Variants in CCAR1 observed in about 807,000 individuals in gnomAD.
The protein encoded by CCAR1 is cell division cycle and apoptosis regulator 1, also known as cell division cycle and apoptosis regulator protein 1.
In CCAR1, 78 loss-of-function variants were observed where a neutral mutation model predicts 163.8. The ratio of observed to expected loss-of-function variants is 0.48; its 90% CI spans 0.40 to 0.57. CCAR1 has a LOEUF of 0.57. CCAR1 is among the 20% of genes least tolerant of loss of function. CCAR1 has a pLI of 0.00. For missense variants in CCAR1, 1,019 were observed against 1,365.2 expected (o/e 0.75, Z 4.00); for synonymous variants, 443 against 460.7 (o/e 0.96, Z 0.49).
At chr10:68,779,497 G>T (rs987624875) in intron 19 of CCAR1, among the ~76,000 whole-genome samples, 5 of 152,028 alleles carry the variant, frequency 3.3e-5, no homozygotes, top group African/African-American at 1.2e-4. Context: ...GACCTCAGGT[G>T]ATCCGCCCAC....
At chr10:68,760,840 G>T (rs1399862977) in intron 15 of CCAR1, 167 bp from the exon 16 acceptor site, 2 of 439,176 alleles carry the variant, frequency 4.6e-6, no homozygotes, top group Non-Finnish European at 8.1e-6. Context: ...CTCCAGCCTG[G>T]GCGACAGAGT....
intron 19 of CCAR1, among the ~76,000 whole-genome samples, chr10:68,781,785 A>T (rs2056739335): frequency 6.6e-6 from 1 of 151,538 alleles, no homozygotes; most frequent in Non-Finnish European, 1.5e-5. Flanking sequence ...CAAGAGGTTG[A>T]GGTTGCAGTG....
At chr10:68,729,758 T>G (rs1243323997) in intron 2 of CCAR1, among the ~76,000 whole-genome samples, 2 of 152,082 alleles carry the variant, frequency 1.3e-5, no homozygotes, top group Non-Finnish European at 2.9e-5. Context: ...ATTTTGAATT[T>G]TAAAGTCTTT....
At position 68,786,705 on chromosome 10, in the gene CCAR1, G is replaced by C; in HGVS notation, c.2880+13G>C. On this transcript the variant is annotated intron_variant, in intron 21 of 24. Transcript: ENST00000265872. ...TTCTCGGGCTCAGGTAATCTATCTT[G>C]TGAATATTTAAAAGGAAAACATTTT... 4.4e-6 allele frequency: 7 copies of C among 1,575,130 alleles called. No individual in the cohort carries two copies. Among genetic ancestry groups the C allele is most frequent in the Non-Finnish European group, 6.0e-6 (7 of 1,165,450 alleles).
At chr10:68,759,105 ACAACAAC>A (rs57244603) in intron 15 of CCAR1, among the ~76,000 whole-genome samples, 11,623 of 152,156 alleles carry the variant, frequency 0.076, 1,225 homozygotes, top group African/African-American at 0.24. Context: ...AATAGAAAAA[ACAACAAC>A]CAACAACCAT....
At chr10:68,786,421 A>G (rs2056796034) in intron 20 of CCAR1, 125 bp from the exon 21 acceptor site, 3 of 739,064 alleles carry the variant, frequency 4.1e-6, no homozygotes, top group Non-Finnish European at 6.5e-6. Flanking sequence ...AACTCATTTT[A>G]GCTAGGATGA....
rs117778309 is a variant in CCAR1, at chr10:68,777,470, G to A, written c.2650+4371G>A. ...GGCCGAGGCGGGTGGATAATTTGAGGCCAGGAGTCCCAGACTAGGCTGGCC... is the reference window on the plus strand; with the variant it reads ...GGCCGAGGCGGGTGGATAATTTGAGACCAGGAGTCCCAGACTAGGCTGGCC... On this transcript the variant is annotated intron_variant, in intron 19 of 24. Coordinates refer to ENST00000265872, the MANE Select transcript of CCAR1 (RefSeq NM_018237.4). Among the ~76,000 whole-genome samples the A allele has an allele frequency of 9.9e-5, 15 of 152,092 alleles. No homozygotes were observed. The East Asian group carries it at 2.9e-3, about 29-fold the overall frequency.
Position 68,752,925 on chromosome 10 carries a change from TAGATAGATAGATA to T in CCAR1, c.1119-926_1119-914del, listed in dbSNP as rs1564538848. 1.4e-3 allele frequency among the ~76,000 whole-genome samples: 207 copies of T among 150,680 alleles called. 2 individuals carry two copies. The highest frequency in any genetic ancestry group is 4.8e-3 in the African/African-American group (197 of 41,362). On this transcript the variant is annotated intron_variant, in intron 10 of 24. Transcript: ENST00000265872. ...ATAGATAGATAGATAGATAGATAGA[TAGATAGATAGATA>T]GATTCTGTCTGTAGATAGAATAGAT...
chr10:68,763,443 G>A (rs186933124), intron 16 of CCAR1, among the ~76,000 whole-genome samples: 161 of 149,994 alleles, frequency 1.1e-3, no homozygotes, highest in Middle Eastern at 7.6e-3. Context: ...ATTACATTGC[G>A]CCCAGCCTTA....
Position 68,725,292 on chromosome 10 carries a change from C to T in CCAR1, c.73+2715C>T, listed in dbSNP as rs573583774. Among the ~76,000 whole-genome samples, 3 of 152,128 alleles carry T rather than the reference C, an allele frequency of 2.0e-5. No individual in the cohort carries two copies. The East Asian group carries it at 5.8e-4, about 29-fold the overall frequency. On this transcript the variant is annotated intron_variant, in intron 2 of 24. Transcript: ENST00000265872. Reference sequence around the variant, plus strand: ...CAGCTTGACCAACACAGTGAAACCTCCTCTCTACTAAAAATACAAAAATTA... The same window carrying T: ...CAGCTTGACCAACACAGTGAAACCTTCTCTCTACTAAAAATACAAAAATTA...
At chr10:68,754,118 A>G in intron 11 of CCAR1, 41 bp downstream of exon 11, 5 of 1,346,712 alleles carry the variant, frequency 3.7e-6, no homozygotes, top group Non-Finnish European at 5.3e-6. Context: ...ATTTCTTAGC[A>G]GTTATTCATA....
Position 68,740,613 on chromosome 10 carries a change from A to G in CCAR1, c.292-16A>G, listed in dbSNP as rs1306375220. The G allele has an allele frequency of 2.5e-6, 4 of 1,608,492 alleles. No individual in the cohort carries two copies. The South Asian group carries it at 3.3e-5, about 13-fold the overall frequency. On this transcript the variant is annotated splice_polypyrimidine_tract_variant and intron_variant, in intron 4 of 24. Coordinates refer to ENST00000265872, the MANE Select transcript of CCAR1 (RefSeq NM_018237.4). ...GATTGACCCTTTTCTGTGTGTGTTT[A>G]TTTTTCTGTTTTCAGTTACAGCAAC...
At chr10:68,723,126 TTTTA>T (rs904022431) in intron 2 of CCAR1, among the ~76,000 whole-genome samples, 2 of 151,354 alleles carry the variant, frequency 1.3e-5, no homozygotes, top group African/African-American at 2.4e-5. Flanking sequence ...TTATTTTTAT[TTTTA>T]TTTATTTATT....
chr10:68,758,942 G>A (rs2056435109), intron 15 of CCAR1, among the ~76,000 whole-genome samples: 1 of 152,092 alleles, frequency 6.6e-6, no homozygotes, highest in East Asian at 1.9e-4. Flanking sequence ...AAAGTGCTGG[G>A]ATTACAGATG....
At chr10:68,769,176 A>ATGT (rs2056570545) in intron 17 of CCAR1, among the ~76,000 whole-genome samples, 1 of 152,138 alleles carries the variant, frequency 6.6e-6, no homozygotes, top group Non-Finnish European at 1.5e-5. Context: ...AAGTTTCACC[A>ATGT]TGTTGACCAG....
chr10:68,787,833 C>A, intron 21 of CCAR1, 94 bp from the exon 22 acceptor site: 1 of 1,279,014 alleles, frequency 7.8e-7, no homozygotes, highest in Non-Finnish European at 1.1e-6. Context: ...AAGACTCTTT[C>A]TCAAAAGAAA....
In CCAR1 at chr10:68,753,915, T is replaced by C. The variant is rs754965424; in HGVS notation, c.1182T>C (p.Phe394=). 19 of 1,614,122 alleles carry C rather than the reference T, an allele frequency of 1.2e-5. No individual in the cohort carries two copies. Among genetic ancestry groups the C allele is most frequent in the Admixed American group, 1.7e-5 (1 of 60,026 alleles). ...AAAATTTGTATATACCTAGTGACTT[T>C]TTTGATGCTCAATTTACATGGGTGG... ...RYQNLYIPSD[F]FDAQFTWVDA... is the part of the protein sequence containing the mutation. The change falls in exon 11 of 25, where the codon TTT becomes TTC. Residue 394 remains phenylalanine, a synonymous_variant. Transcript: ENST00000265872.
At chr10:68,728,720 C>T (rs2055986299) in intron 2 of CCAR1, among the ~76,000 whole-genome samples, 2 of 152,128 alleles carry the variant, frequency 1.3e-5, no homozygotes, top group African/African-American at 4.8e-5. Context: ...CTTTGAGAGA[C>T]CAGACAGGTG....
chr10:68,760,111 C>T (rs1182934527), intron 15 of CCAR1, among the ~76,000 whole-genome samples: 8 of 151,878 alleles, frequency 5.3e-5, no homozygotes, highest in Admixed American at 5.3e-4. Context: ...GGATTACAGG[C>T]ACGAGCCACC....
Sources: allele counts gnomAD v4.1 joint callset (sites outside exome capture counted in the v4.1 genomes callset), GRCh38; gene constraint gnomAD v4.1.1; transcripts MANE v1.5; gene names NCBI Gene and HGNC (gene_info 2026-07-23, HGNC 2026-07-21).